ZFHX3: variants seen among roughly 807,000 people sequenced by gnomAD.
ZFHX3 encodes zinc finger homeobox protein 3.
Under a neutral mutation model 279.1 loss-of-function variants are expected in ZFHX3, and 42 were observed. The observed-to-expected ratio is 0.15, with a 90% CI of 0.12 to 0.19. ZFHX3 has a LOEUF of 0.19. Among genes scored for constraint, ZFHX3 ranks in the 10% least tolerant of loss-of-function variants. The pLI, the probability that ZFHX3 is intolerant of heterozygous loss-of-function variation, is 1.00. For synonymous variants in ZFHX3, 2,293 were observed against 1,957.8 expected (o/e 1.17, Z -4.52); for missense variants, 4,981 against 4,754.0 (o/e 1.05, Z -1.40).
intron 5 of ZFHX3, among the ~76,000 whole-genome samples, chr16:73,234,360 G>T (rs2012877304): frequency 6.6e-6 from 1 of 152,166 alleles, no homozygotes; most frequent in African/African-American, 2.4e-5. Flanking sequence ...TCTAAAGCCG[G>T]CACAGCCATG....
Position 73,105,444 on chromosome 16 carries a change from C to CACACACAT in ZFHX3, c.-896-11847_-896-11846insATGTGTGT, listed in dbSNP as rs1567389929. ...ATATATATATATATACACACACACA[C>CACACACAT]ATATATATATATATTTTTTCCCCCA... On this transcript the variant is annotated intron_variant, in intron 7 of 17. Coordinates refer to the ZFHX3 transcript ENST00000641206. Among the ~76,000 whole-genome samples the CACACACAT allele has an allele frequency of 7.0e-3, 873 of 125,428 alleles. 89 individuals are homozygous for CACACACAT. The highest frequency in any genetic ancestry group is 0.016 in the Middle Eastern group (4 of 248). 82.3% of individuals were successfully genotyped at this position (125,428 alleles called of 152,430 possible).
chr16:73,429,178 A>C (rs2017866154), intron 3 of ZFHX3, among the ~76,000 whole-genome samples: 1 of 152,116 alleles, frequency 6.6e-6, no homozygotes, highest in Non-Finnish European at 1.5e-5. Context: ...TACTCTGGGG[A>C]TAGCAGCACA....
intron 1 of ZFHX3, among the ~76,000 whole-genome samples, chr16:72,989,082 G>C (rs1193162356): frequency 6.6e-6 from 1 of 151,704 alleles, no homozygotes. Flanking sequence ...GCCAAGGCAA[G>C]AGGATCACTT....
At chr16:73,754,183 C>T (rs1347309701) in intron 1 of ZFHX3, among the ~76,000 whole-genome samples, 1 of 152,192 alleles carries the variant, frequency 6.6e-6, no homozygotes, top group Non-Finnish European at 1.5e-5. Context: ...AGTTACAGAA[C>T]TCACATCAAC....
intron 7 of ZFHX3, among the ~76,000 whole-genome samples, chr16:73,108,734 TA>T (rs1966335126): frequency 6.6e-6 from 1 of 152,208 alleles, no homozygotes; most frequent in East Asian, 1.9e-4. Flanking sequence ...CTAACAGGGT[TA>T]AAGTTGAGGT....
At chr16:73,235,307 C>G (rs2012908599) in intron 5 of ZFHX3, among the ~76,000 whole-genome samples, 1 of 152,244 alleles carries the variant, frequency 6.6e-6, no homozygotes, top group South Asian at 2.1e-4. Flanking sequence ...CTGACCTCAT[C>G]ATCCTCCTGC....
chr16:73,450,586 A>C (rs920104493), intron 3 of ZFHX3, among the ~76,000 whole-genome samples: 12 of 152,320 alleles, frequency 7.9e-5, no homozygotes, highest in Admixed American at 2.0e-4. Flanking sequence ...TGACTTTACT[A>C]CATTTTTAAA....
At position 73,509,691 on chromosome 16, in the gene ZFHX3, A is replaced by ATT. The variant is rs71156168; in HGVS notation, c.-1546-53435_-1546-53434dup. On this transcript the variant is annotated intron_variant, in intron 2 of 17. Coordinates refer to the ZFHX3 transcript ENST00000641206. ...AGGCGCCCACCACCATGCCCGGCTG[A>ATT]TTTTTTTTTTTTTTTTTCTTTTGAG... Among the ~76,000 whole-genome samples the ATT allele has an allele frequency of 1.2e-3, 125 of 106,046 alleles. 3 individuals carry two copies. Among genetic ancestry groups the ATT allele is most frequent in the African/African-American group, 4.3e-3 (108 of 25,310 alleles). 69.6% of individuals were successfully genotyped at this position (106,046 alleles called of 152,430 possible).
At chr16:73,446,335 A>G (rs913362256) in intron 3 of ZFHX3, among the ~76,000 whole-genome samples, 6 of 152,212 alleles carry the variant, frequency 3.9e-5, no homozygotes, top group Non-Finnish European at 8.8e-5. Flanking sequence ...AGGCCTCAGG[A>G]AACTTACAAT....
chr16:73,131,038 T>C (rs1198661829), exon 7 of ZFHX3: 1 of 1,278,336 alleles, frequency 7.8e-7, no homozygotes, highest in Non-Finnish European at 1.0e-6. Context: ...TGGGCTCCAA[T>C]CCAGGTCCTG....
intron 2 of ZFHX3, among the ~76,000 whole-genome samples, chr16:73,564,136 C>T (rs1252987824): frequency 2.0e-5 from 3 of 152,176 alleles, no homozygotes; most frequent in African/African-American, 7.2e-5. Context: ...TCCTACCTGT[C>T]ACAAGTCTCC....
intron 2 of ZFHX3, among the ~76,000 whole-genome samples, chr16:73,496,565 A>C (rs1440993202): frequency 6.6e-6 from 1 of 152,160 alleles, no homozygotes; most frequent in Non-Finnish European, 1.5e-5. Context: ...CATTTTTAAA[A>C]ATTAGCCATA....
intron 1 of ZFHX3, among the ~76,000 whole-genome samples, chr16:73,779,097 G>T (rs1393838417): frequency 6.6e-6 from 1 of 152,174 alleles, no homozygotes; most frequent in Non-Finnish European, 1.5e-5. Context: ...GCTCCAGAGT[G>T]GCACACAGAA....
upstream of ZFHX3, chr16:73,891,878 A>G (rs1367869354): frequency 6.6e-6 from 1 of 152,170 alleles, no homozygotes; most frequent in Non-Finnish European, 1.5e-5. Flanking sequence ...GTCCAGGGCT[A>G]CAGGGGGAGG....
intron 2 of ZFHX3, among the ~76,000 whole-genome samples, chr16:73,481,430 T>C (rs906017433): frequency 6.6e-6 from 1 of 152,122 alleles, no homozygotes; most frequent in Non-Finnish European, 1.5e-5. Context: ...ATTTTAGTAT[T>C]ACTTTTTAAT....
At chr16:73,764,009 C>T (rs1449607525) in intron 1 of ZFHX3, among the ~76,000 whole-genome samples, 3 of 152,176 alleles carry the variant, frequency 2.0e-5, no homozygotes, top group Admixed American at 6.5e-5. Context: ...TGATCTCAAC[C>T]TTGTGAGACT....
intron 2 of ZFHX3, among the ~76,000 whole-genome samples, chr16:72,953,724 G>A (rs529005890): frequency 6.6e-6 from 1 of 152,222 alleles, no homozygotes; most frequent in South Asian, 2.1e-4. Flanking sequence ...GGGACTACAG[G>A]TGCACCCCAC....
rs1335822308 is a variant in ZFHX3 at position 72,794,990 on chromosome 16, C to G, written c.7692G>C (p.Gln2564His). 6.2e-7 allele frequency: 1 copy of G among 1,614,168 alleles called. No individual in the cohort carries two copies. Among genetic ancestry groups the G allele is most frequent in the Non-Finnish European group, 8.5e-7 (1 of 1,180,036 alleles). The change falls in exon 9 of 10, where the codon CAG (glutamine) becomes CAC (histidine). Residue 2564 changes from glutamine to histidine, a missense_variant. Gln to His is a conservative substitution (Grantham distance 24). Around this residue, in one of 7 missense-constraint regions of ZFHX3, gnomAD observed 744 missense variants for 701.3 expected, o/e 1.06. Coordinates refer to ENST00000268489, the MANE Select transcript of ZFHX3 (RefSeq NM_006885.4). This position sits in a 1 kb window ranked among gnomAD's most constrained non-coding sequence, Gnocchi z 4.2. The part of the protein sequence containing the change: ...LSAQNQFIHP[Q>H]FLDRSLDMPF... ...GCATATCCAGGGACCTGTCCAAAAA[C>G]TGGGGGTGGATGAACTGGTTCTGCG...
intron 3 of ZFHX3, among the ~76,000 whole-genome samples, chr16:73,370,931 G>T (rs1018084465): frequency 2.0e-5 from 3 of 152,192 alleles, no homozygotes; most frequent in Non-Finnish European, 4.4e-5. Context: ...CAACCAAGAG[G>T]TGCAAGATGC....
Sources: allele counts gnomAD v4.1 joint callset (sites outside exome capture counted in the v4.1 genomes callset), GRCh38; gene constraint gnomAD v4.1.1; regional missense constraint gnomAD v4.1.1; non-coding constraint Gnocchi (gnomAD v3.1); transcripts MANE v1.5; gene names NCBI Gene and HGNC (gene_info 2026-07-23, HGNC 2026-07-21).